The following CD160 variants were observed in gnomAD, a reference collection of about 807,000 sequenced individuals.
CD160 encodes CD160 antigen.
In CD160, 11 loss-of-function variants were observed where a neutral mutation model predicts 19.2. The observed-to-expected ratio is 0.57, with a 90% CI of 0.36 to 0.95. The LOEUF (loss-of-function observed/expected upper bound fraction) is 0.95. CD160 is among the 40% of genes least tolerant of loss of function. CD160 has a pLI of 0.01. For synonymous variants in CD160, 75 were observed against 81.1 expected, an observed-to-expected ratio of 0.93 and a Z score of 0.40; for missense variants, 182 against 213.2, an observed-to-expected ratio of 0.85 and a Z score of 0.91.
At chr1:145,734,945 A>G (rs1184524944) in intron 4 of CD160, among the ~76,000 whole-genome samples, 1 of 152,016 alleles carries the variant, frequency 6.6e-6, no homozygotes, top group East Asian at 1.9e-4. Flanking sequence ...TGTCTCTACT[A>G]AAAATACAAA....
intron 4 of CD160, 64 bp from the exon 5 acceptor site, chr1:145,735,933 T>C: frequency 8.8e-7 from 1 of 1,131,874 alleles, no homozygotes; most frequent in East Asian, 2.4e-5. Context: ...TATGAGATGA[T>C]GCAAAAGGAG....
At position 145,719,547 on chromosome 1, in the gene CD160, C is replaced by G. The variant is rs1656743992; in HGVS notation, c.-191C>G. On this transcript the variant is annotated 5_prime_UTR_variant, in exon 1 of 6. Coordinates refer to ENST00000369288, the MANE Select transcript of CD160 (RefSeq NM_007053.4). ...CCAGTCTGAGAACAAGAAAGAAGAA[C>G]TTCTGTCTCGAGGTAAAAAGGCCTG... 1 of 152,462 alleles carries G rather than the reference C, an allele frequency of 6.6e-6. No individual in the cohort carries two copies. Among genetic ancestry groups the G allele is most frequent in the African/African-American group, 2.4e-5 (1 of 41,484 alleles). The allele number at this position is 152,462 out of a possible 1,614,324, so 9.4% of individuals were successfully genotyped here.
At position 145,730,821 on chromosome 1, in the gene CD160, G is replaced by A; in HGVS notation, c.151G>A (p.Glu51Lys). The change falls in exon 4 of 6, where the codon GAA becomes AAA. Residue 51 changes from glutamate (E) to lysine (K), a missense_variant. Physicochemically the swap from Glu to Lys is moderately conservative, Grantham distance 56 (BLOSUM62 1). Coordinates refer to ENST00000369288, the MANE Select transcript of CD160 (RefSeq NM_007053.4). ...NLICTVWHKK[E>K]EAEGFVVFLC... ...AATCTGTACTGTATGGCATAAGAAA[G>A]AAGAGGCTGAGGGGTTTGTAGTGTT... 1 of 1,614,182 alleles carries A rather than the reference G, an allele frequency of 6.2e-7. No individual in the cohort carries two copies. The highest frequency in any genetic ancestry group is 8.5e-7 in the Non-Finnish European group (1 of 1,180,024).
chr1:145,724,258 C>A (rs1656968136), intron 1 of CD160, among the ~76,000 whole-genome samples: 1 of 152,142 alleles, frequency 6.6e-6, no homozygotes, highest in Admixed American at 6.5e-5. Context: ...TTCAGATACT[C>A]TTTTATTGTT....
At chr1:145,736,821 A>G (rs190626632) in intron 5 of CD160, 23 of 152,726 alleles carry the variant, frequency 1.5e-4, no homozygotes, top group African/African-American at 5.5e-4. Flanking sequence ...CTTTACCCCA[A>G]CGAAAAGTCC....
At chr1:145,735,970 CT>C (rs1361601755) in intron 4 of CD160, 26 bp from the exon 5 acceptor site, 1 of 1,560,776 alleles carries the variant, frequency 6.4e-7, no homozygotes, top group African/African-American at 1.4e-5. Context: ...AAACCCTCCC[CT>C]GATCCATGAT....
chr1:145,724,767 T>G (rs1278945240), intron 1 of CD160, 34 bp from the exon 2 acceptor site: 3 of 152,124 alleles, frequency 2.0e-5, no homozygotes, highest in Non-Finnish European at 4.4e-5. Flanking sequence ...TTTGTGTGTG[T>G]GTGTAATTTT....
At chr1:145,734,346 T>C (rs1657404116) in intron 4 of CD160, among the ~76,000 whole-genome samples, 1 of 152,196 alleles carries the variant, frequency 6.6e-6, no homozygotes, top group Non-Finnish European at 1.5e-5. Flanking sequence ...CTCCAATCCA[T>C]TCTACATACT....
In CD160 at chr1:145,736,090, A is replaced by T. The variant is rs1373708104; in HGVS notation, c.494A>T (p.Glu165Val). 11 of 1,614,068 alleles carry T rather than the reference A, an allele frequency of 6.8e-6. No homozygotes were observed. Among genetic ancestry groups the T allele is most frequent in the Non-Finnish European group, 8.5e-6 (10 of 1,180,010 alleles). ...EGTLSSGFLQ[E>V]KVWVMLVTSL... ...ACTCTCAGTTCAGGCTTCCTACAAG[A>T]AAAGGTCTGGGTAATGCTGGTCACC... Residue 165 changes from glutamate (E) to valine (V), a missense_variant, in exon 5 of 6, where the codon GAA (glutamate) becomes GTA (valine). Physicochemically the swap from Glu to Val is moderately radical, Grantham distance 121. Transcript: ENST00000369288.
At chr1:145,738,393 G>T in intron 5 of CD160, 93 bp from the exon 6 acceptor site, 1 of 759,686 alleles carries the variant, frequency 1.3e-6, no homozygotes, top group Non-Finnish European at 1.9e-6. Context: ...GGCCTATCAC[G>T]CACGCATCTC....
At position 145,730,677 on chromosome 1, in the gene CD160, G is replaced by A. The variant is rs1019567559; in HGVS notation, c.74-67G>A. 6.2e-6 allele frequency: 8 copies of A among 1,294,424 alleles called. No individual in the cohort carries two copies. In the East Asian group the frequency reaches 6.9e-5, roughly 11 times the overall value. The allele number at this position is 1,294,424 out of a possible 1,614,324, so 80.2% of individuals were successfully genotyped here. A position where few individuals can be genotyped will look rare whatever the true frequency, so the allele number is the denominator to read the frequency against. ...TTCCTTGAAGACTTCTAGTGATAAG[G>A]AGCAGTTACGGTGAAATTCACAGAA... On this transcript the variant is annotated intron_variant, in intron 3 of 5. Transcript: ENST00000369288.
intron 2 of CD160, among the ~76,000 whole-genome samples, chr1:145,727,308 A>G (rs1372378756): frequency 6.6e-6 from 1 of 150,388 alleles, no homozygotes; most frequent in Non-Finnish European, 1.5e-5. Flanking sequence ...ATAATATATA[A>G]TATTTTGTCA....
At chr1:145,732,873 A>G (rs186922588) in intron 4 of CD160, among the ~76,000 whole-genome samples, 1 of 152,350 alleles carries the variant, frequency 6.6e-6, no homozygotes, top group African/African-American at 2.4e-5. Context: ...AATGGGTGAA[A>G]GTATAATCCT....
At chr1:145,730,198 TA>T (rs1276541307) in intron 3 of CD160, among the ~76,000 whole-genome samples, 1 of 152,134 alleles carries the variant, frequency 6.6e-6, no homozygotes, top group Non-Finnish European at 1.5e-5. Flanking sequence ...TGCATACCTG[TA>T]GTGTTAGCTA....
rs1571692527 is a variant in CD160, at chr1:145,738,758, G to A, written c.*265G>A. The A allele has an allele frequency of 3.0e-6, 1 of 333,264 alleles. No individual in the cohort carries two copies. 20.6% of individuals were successfully genotyped at this position (333,264 alleles called of 1,614,324 possible). A position where few individuals can be genotyped will look rare whatever the true frequency, so the allele number is the denominator to read the frequency against. On this transcript the variant is annotated 3_prime_UTR_variant, in exon 6 of 6. Transcript: ENST00000369288. The stretch of plus-strand genomic sequence containing the variant: ...AGAACAGCTTTCACCAAAGTGGGTA[G>A]TATAGTCCTCAAATATCGGATAAAT...
At position 145,733,780 on chromosome 1, in the gene CD160, C is replaced by T. The variant is rs587767148; in HGVS notation, c.401-2217C>T. 2.8e-3 allele frequency among the ~76,000 whole-genome samples: 421 copies of T among 152,194 alleles called. 3 individuals are homozygous for T. The highest frequency in any genetic ancestry group is 9.6e-3 in the African/African-American group (400 of 41,526). On this transcript the variant is annotated intron_variant, in intron 4 of 5. Transcript: ENST00000369288. ...CTCCCACCTCTCAAACATGAGTATT[C>T]CCCAAGACTCACTTCTCACCCCTTC...
intron 2 of CD160, among the ~76,000 whole-genome samples, chr1:145,725,327 C>T (rs1657016287): frequency 6.6e-6 from 1 of 151,506 alleles, no homozygotes; most frequent in Non-Finnish European, 1.5e-5. Context: ...CGCCTGTAAT[C>T]CCAGATACTC....
chr1:145,731,110 G>T, intron 4 of CD160, 40 bp downstream of exon 4: 1 of 1,507,846 alleles, frequency 6.6e-7, no homozygotes, highest in South Asian at 1.2e-5. Flanking sequence ...AGGTGGGACA[G>T]TGAGCAGGGT....
intron 2 of CD160, among the ~76,000 whole-genome samples, chr1:145,725,311 G>A (rs1161211085): frequency 1.3e-5 from 2 of 150,548 alleles, no homozygotes; most frequent in African/African-American, 2.5e-5. Flanking sequence ...CCAGATACTC[G>A]GCAGGCGCCT....
Sources: gnomAD v4.1 joint callset for allele counts (sites outside exome capture counted in the v4.1 genomes callset) on GRCh38, gnomAD v4.1.1 for gene constraint, MANE v1.5 for transcripts, NCBI Gene and HGNC (gene_info 2026-07-23, HGNC 2026-07-21) for gene names.